SERPINB12: variants seen among roughly 807,000 people sequenced by gnomAD.
The protein encoded by SERPINB12 is serpin B12.
In SERPINB12, 57 loss-of-function variants were observed where a neutral mutation model predicts 41.1. That is an observed-to-expected ratio of 1.39 (90% CI 1.12 to 1.73). The LOEUF (loss-of-function observed/expected upper bound fraction) is 1.73, where lower values mean the gene tolerates loss of function less well. Among genes scored for constraint, SERPINB12 ranks in the 40% most tolerant of loss-of-function variants. SERPINB12 has a pLI of 0.00. For missense variants in SERPINB12, 536 were observed against 501.9 expected (o/e 1.07, Z -0.65); for synonymous variants, 180 against 181.3 (o/e 0.99, Z 0.06).
chr18:63,557,146 A>C (rs983211594), intron 2 of SERPINB12, among the ~76,000 whole-genome samples: 44 of 152,144 alleles, frequency 2.9e-4, no homozygotes, highest in Non-Finnish European at 1.0e-4. Flanking sequence ...TGTACCTGTC[A>C]CATTGGCCTC....
At chr18:63,548,974 C>T (rs1455183466) in intron 1 of SERPINB12, among the ~76,000 whole-genome samples, 2 of 151,764 alleles carry the variant, frequency 1.3e-5, no homozygotes, top group Non-Finnish European at 1.5e-5. Flanking sequence ...CAATGTTTAT[C>T]GTAGAATTAT....
At chr18:63,527,341 A>T in the SERPINB12 span, among the ~76,000 whole-genome samples, 4 of 152,220 alleles carry the variant, frequency 2.6e-5, no homozygotes, top group South Asian at 8.3e-4. Flanking sequence ...GAAGCTTTTC[A>T]TAAGAACATT....
the SERPINB12 span, among the ~76,000 whole-genome samples, chr18:63,526,277 A>G: frequency 6.0e-4 from 92 of 152,250 alleles, no homozygotes; most frequent in Non-Finnish European, 1.0e-3. Context: ...CAGATTCCCT[A>G]GCTTCCTTTT....
chr18:63,526,663 T>C, the SERPINB12 span, among the ~76,000 whole-genome samples: 39 of 152,368 alleles, frequency 2.6e-4, no homozygotes, highest in East Asian at 7.3e-3. Context: ...TGGACCATAC[T>C]TGGGATAAAA....
At chr18:63,553,674 A>G (rs1910590622) in intron 1 of SERPINB12, among the ~76,000 whole-genome samples, 1 of 152,174 alleles carries the variant, frequency 6.6e-6, no homozygotes, top group African/African-American at 2.4e-5. Flanking sequence ...CATTAACCTA[A>G]GTTATACAAC....
the SERPINB12 span, among the ~76,000 whole-genome samples, chr18:63,533,523 C>A: frequency 3.3e-5 from 5 of 152,292 alleles, 1 homozygote; most frequent in African/African-American, 1.2e-4. Context: ...ATTTATCCAA[C>A]CCTTTAATTT....
chr18:63,524,660 G>A, the SERPINB12 span, among the ~76,000 whole-genome samples: 1 of 151,818 alleles, frequency 6.6e-6, no homozygotes. Context: ...CAACATGCTT[G>A]GACCTTCAGT....
In SERPINB12 at chr18:63,567,320, TCATTAGAC is replaced by T. The variant is rs1911145535; in HGVS notation, c.*314_*321del. On this transcript the variant is annotated 3_prime_UTR_variant, in exon 8 of 8. Transcript: ENST00000382768. Reference sequence around the variant, plus strand: ...TTTGAAGGAATCCTAAAAGTTCAGGTCATTAGACCATTTCTAAGAGATGGCAAACTCAG... The same window carrying T: ...TTTGAAGGAATCCTAAAAGTTCAGGTCATTTCTAAGAGATGGCAAACTCAG... Among the ~76,000 whole-genome samples, 1 of 152,160 alleles carries T rather than the reference TCATTAGAC, an allele frequency of 6.6e-6. No individual in the cohort carries two copies. The highest frequency in any genetic ancestry group is 2.1e-4 in the South Asian group (1 of 4,830).
At chr18:63,523,575 C>A in the SERPINB12 span, among the ~76,000 whole-genome samples, 1 of 152,132 alleles carries the variant, frequency 6.6e-6, no homozygotes, top group Non-Finnish European at 1.5e-5. Flanking sequence ...GTACCTTGAA[C>A]AGGGGAATGT....
At chr18:63,552,773 T>C (rs1370070519) in intron 1 of SERPINB12, among the ~76,000 whole-genome samples, 1 of 152,160 alleles carries the variant, frequency 6.6e-6, no homozygotes, top group African/African-American at 2.4e-5. Flanking sequence ...ATTTAGGCAG[T>C]TTCTAATTTA....
At chr18:63,532,098 T>G in the SERPINB12 span, among the ~76,000 whole-genome samples, 1 of 152,236 alleles carries the variant, frequency 6.6e-6, no homozygotes, top group African/African-American at 2.4e-5. Context: ...ACTTGGACTC[T>G]AGCTCATACT....
chr18:63,565,413 C>T (rs369099344), intron 6 of SERPINB12, 32 bp from the exon 7 acceptor site: 46 of 1,594,696 alleles, frequency 2.9e-5, no homozygotes, highest in African/African-American at 4.1e-5. Context: ...TTCCCATAGC[C>T]GTCCTGTGAC....
the SERPINB12 span, among the ~76,000 whole-genome samples, chr18:63,526,543 C>G: frequency 6.6e-6 from 1 of 152,148 alleles, no homozygotes; most frequent in East Asian, 1.9e-4. Context: ...ATGACATTAA[C>G]TGTTTTATAT....
chr18:63,563,045 A>G (rs1303667457), intron 5 of SERPINB12, among the ~76,000 whole-genome samples: 1 of 152,204 alleles, frequency 6.6e-6, no homozygotes, highest in African/African-American at 2.4e-5. Flanking sequence ...CATTCCTGCC[A>G]GTCTTACTGC....
Position 63,563,968 on chromosome 18 carries a change from C to CT in SERPINB12, c.563-3dup, listed in dbSNP as rs753793130. The CT allele has an allele frequency of 4.6e-5, 73 of 1,597,354 alleles. No homozygotes were observed. The African/African-American group carries it at 5.7e-4, about 12-fold the overall frequency. The stretch of plus-strand genomic sequence containing the variant: ...TCATACTCAGGATATTCTCTGGGAT[C>CT]TTTTTTTAGGTAAAATCAAGGAACT... On this transcript the variant is annotated splice_polypyrimidine_tract_variant and intron_variant, in intron 5 of 7. Transcript: ENST00000382768.
chr18:63,563,514 C>A (rs2144349236), intron 5 of SERPINB12, among the ~76,000 whole-genome samples: 1 of 152,292 alleles, frequency 6.6e-6, no homozygotes, highest in South Asian at 2.1e-4. Flanking sequence ...CACCCCCTCG[C>A]TTACCTCCAG....
chr18:63,533,820 A>T, the SERPINB12 span, among the ~76,000 whole-genome samples: 1 of 152,204 alleles, frequency 6.6e-6, no homozygotes, highest in African/African-American at 2.4e-5. Flanking sequence ...GGAAATAAAC[A>T]TATTTGGAGA....
the SERPINB12 span, among the ~76,000 whole-genome samples, chr18:63,533,698 ACT>A: frequency 2.0e-5 from 3 of 152,062 alleles, no homozygotes; most frequent in African/African-American, 7.2e-5. Flanking sequence ...AATATTTGTA[ACT>A]CTGGTGTTTT....
Position 63,567,002 on chromosome 18 carries a change from C to A in SERPINB12, c.1269C>A (p.Cys423Ter). ...TQTILFYGRVCSP is the reference protein window; with the variant it reads ...TQTILFYGRV ...CCATTCTCTTTTATGGCAGGGTCTG[C>A]TCTCCTTAAAAGGGGAGCAGTGTCT... Residue 423 changes from cysteine to a stop codon, truncating the protein, a stop_gained, in exon 8 of 8, where the codon TGC becomes TGA. Coordinates refer to ENST00000382768, the MANE Select transcript of SERPINB12 (RefSeq NM_001307928.2). LOFTEE classifies it high-confidence loss of function. 1 of 1,586,868 alleles carries A rather than the reference C, an allele frequency of 6.3e-7. No homozygotes were observed. Among genetic ancestry groups the A allele is most frequent in the Non-Finnish European group, 8.6e-7 (1 of 1,169,276 alleles).
Sources: allele counts gnomAD v4.1 joint callset (sites outside exome capture counted in the v4.1 genomes callset), GRCh38; gene constraint gnomAD v4.1.1; transcripts MANE v1.5; gene names NCBI Gene and HGNC (gene_info 2026-07-23, HGNC 2026-07-21).